Variants in ANKH observed in about 807,000 individuals in gnomAD.
ANKH encodes the protein mineralization regulator ANKH.
Under a neutral mutation model 49.0 loss-of-function variants are expected in ANKH, and 15 were observed. That is an observed-to-expected ratio of 0.31 (90% confidence interval 0.20 to 0.47). The LOEUF is 0.47. ANKH is among the 20% of genes least tolerant of loss of function. The pLI is 1.00. For synonymous variants in ANKH, 273 were observed against 260.0 expected (o/e 1.05, Z -0.48); for missense variants, 429 against 652.0 (o/e 0.66, Z 3.72).
chr5:14,736,560 C>T (rs1738189901), intron 8 of ANKH, among the ~76,000 whole-genome samples: 1 of 152,134 alleles, frequency 6.6e-6, no homozygotes, highest in Non-Finnish European at 1.5e-5. Flanking sequence ...CTGTCTGTAA[C>T]CCCACCTCTG....
In ANKH at chr5:14,758,544, G is replaced by A. The variant is rs1397037846; in HGVS notation, c.368C>T (p.Ser123Leu). 10 of 1,614,132 alleles carry A rather than the reference G, an allele frequency of 6.2e-6. No individual in the cohort carries two copies. The highest frequency in any genetic ancestry group is 3.3e-5 in the Admixed American group (2 of 60,016). ...GGCCCTTCTCGTCTTGCTCCCCACC[G>A]ACTCGTCCACATGGTGCAGTTTATT... ...IINKLHHVDE[S>L]VGSKTRRAFL... The change falls in exon 3 of 12, where the codon TCG becomes TTG. Residue 123 changes from serine (S) to leucine (L), a missense_variant. Physicochemically the swap from Ser to Leu is moderately radical, Grantham distance 145. Transcript: ENST00000284268.
chr5:14,746,122 G>C (rs780836071), intron 6 of ANKH, among the ~76,000 whole-genome samples, 160 bp from the exon 7 acceptor site: 1 of 152,064 alleles, frequency 6.6e-6, no homozygotes, highest in African/African-American at 2.4e-5. Context: ...GGCCCAGGAC[G>C]GGGGGAACTG....
rs1010136007 is a variant in ANKH, at chr5:14,776,319, G to T, written c.97-7128C>A. Among the ~76,000 whole-genome samples, 3 of 152,212 alleles carry T rather than the reference G, an allele frequency of 2.0e-5. No individual in the cohort carries two copies. The East Asian group carries it at 5.8e-4, about 29-fold the overall frequency. On this transcript the variant is annotated intron_variant, in intron 1 of 11. Transcript: ENST00000284268. The stretch of plus-strand genomic sequence containing the variant: ...GCCCATTAGGATTCCAAATAGAGAA[G>T]TTGTATGAGAGAGTCAGCTCTGTGA...
chr5:14,741,981 G>A lies in ANKH; in HGVS notation c.916-59C>T, dbSNP rs374901712. On this transcript the variant is annotated intron_variant, in intron 7 of 11. Transcript: ENST00000284268. ...CGGCTTATCCTTGGCTGAACCCACC[G>A]GGGGATCTTGAAGAGCATCTTGCTT... 2.2e-5 allele frequency: 29 copies of A among 1,305,086 alleles called. No individual in the cohort carries two copies. In the East Asian group the frequency reaches 2.8e-4, roughly 12 times the overall value. 80.8% of individuals were successfully genotyped at this position (1,305,086 alleles called of 1,614,324 possible).
chr5:14,870,964 C>T, intron 1 of ANKH: 2 of 364,414 alleles, frequency 5.5e-6, no homozygotes, highest in South Asian at 4.2e-5. Flanking sequence ...AACAGAATCT[C>T]CCCACCGTCA....
At chr5:14,736,371 C>T (rs902417501) in intron 8 of ANKH, among the ~76,000 whole-genome samples, 2 of 152,168 alleles carry the variant, frequency 1.3e-5, no homozygotes, top group Non-Finnish European at 2.9e-5. Flanking sequence ...CAGGTCAGCT[C>T]GCCAAAAATC....
rs1176791181 is a variant in ANKH, at chr5:14,709,585, GGCCT to G, written c.*1608_*1611del. On this transcript the variant is annotated 3_prime_UTR_variant, in exon 12 of 12. Coordinates refer to ENST00000284268, the MANE Select transcript of ANKH (RefSeq NM_054027.6). ...AGCACTGAAAACGGTAGACACAAAG[GGCCT>G]GCCTTTTTCTTTCTCATTTTTGCCT... is the stretch of plus-strand genomic sequence containing the variant. 1 of 152,070 alleles carries G rather than the reference GGCCT, an allele frequency of 6.6e-6. No individual in the cohort carries two copies. Among genetic ancestry groups the G allele is most frequent in the East Asian group, 1.9e-4 (1 of 5,200 alleles). The allele number at this position is 152,070 out of a possible 1,614,324, so 9.4% of individuals were successfully genotyped here.
intron 8 of ANKH, among the ~76,000 whole-genome samples, chr5:14,738,052 C>T (rs900805655): frequency 6.6e-6 from 1 of 152,220 alleles, no homozygotes; most frequent in Admixed American, 6.5e-5. Flanking sequence ...AGCCCCTCTT[C>T]CACACTGGGC....
chr5:14,777,437 A>C (rs373668709), intron 1 of ANKH, among the ~76,000 whole-genome samples: 1 of 152,208 alleles, frequency 6.6e-6, no homozygotes. Flanking sequence ...TAACAAAACC[A>C]CAGGATATTA....
intron 1 of ANKH, among the ~76,000 whole-genome samples, chr5:14,833,615 C>T (rs1741569623): frequency 6.6e-6 from 1 of 152,180 alleles, no homozygotes; most frequent in Non-Finnish European, 1.5e-5. Flanking sequence ...GGCTGCTGCA[C>T]CACCTCAAAG....
chr5:14,774,705 A>T (rs1469219216), intron 1 of ANKH, among the ~76,000 whole-genome samples: 2 of 152,162 alleles, frequency 1.3e-5, no homozygotes, highest in Non-Finnish European at 2.9e-5. Context: ...TTCCTAACAT[A>T]GTATCACATC....
At chr5:14,776,670 G>A (rs1739633309) in intron 1 of ANKH, among the ~76,000 whole-genome samples, 1 of 152,196 alleles carries the variant, frequency 6.6e-6, no homozygotes, top group African/African-American at 2.4e-5. Flanking sequence ...CTGGTAAAGA[G>A]GAATAGCTAT....
At position 14,711,323 on chromosome 5, in the gene ANKH, A is replaced by C. The variant is rs375863759; in HGVS notation, c.1366-13T>G. On this transcript the variant is annotated splice_polypyrimidine_tract_variant and intron_variant, in intron 11 of 11. Transcript: ENST00000284268. ...CCATCTTCTTTTTCTAGACCAAAGA[A>C]GACTCATCAGTGTGGGGCTGTGGAT... The C allele has an allele frequency of 6.0e-5, 96 of 1,610,332 alleles. No homozygotes were observed. The highest frequency in any genetic ancestry group is 1.7e-4 in the Middle Eastern group (1 of 6,038).
intron 1 of ANKH, among the ~76,000 whole-genome samples, chr5:14,865,525 A>G (rs1410193989): frequency 6.6e-6 from 1 of 152,110 alleles, no homozygotes; most frequent in East Asian, 1.9e-4. Context: ...TGAGATTTCC[A>G]TTTCTTTCTT....
In ANKH at chr5:14,711,175, A is replaced by C. The variant is rs1028428100; in HGVS notation, c.*22T>G. ...TGTCATCCTGACTGACTGTCCCTGC[A>C]GTGCCCATGGCGTCCCGTGCCTTAT... On this transcript the variant is annotated 3_prime_UTR_variant, in exon 12 of 12. Transcript: ENST00000284268. The C allele has an allele frequency of 6.4e-7, 1 of 1,573,058 alleles. No individual in the cohort carries two copies. Among genetic ancestry groups the C allele is most frequent in the Admixed American group, 1.7e-5 (1 of 59,988 alleles).
chr5:14,797,864 T>C, intron 1 of ANKH: 1 of 1,611,862 alleles, frequency 6.2e-7, no homozygotes, highest in South Asian at 1.1e-5. Flanking sequence ...GCCCATAGCC[T>C]TCCTTCTGAT....
chr5:14,773,838 CGAAT>C (rs1338057130), intron 1 of ANKH, among the ~76,000 whole-genome samples: 1 of 152,128 alleles, frequency 6.6e-6, no homozygotes, highest in Non-Finnish European at 1.5e-5. Context: ...GTTGAATGAA[CGAAT>C]GAATTGGCTA....
At chr5:14,762,524 T>A (rs1002593590) in intron 2 of ANKH, among the ~76,000 whole-genome samples, 2 of 152,212 alleles carry the variant, frequency 1.3e-5, no homozygotes, top group Admixed American at 1.3e-4. Context: ...CCGGGAGATA[T>A]TTGGAGGCCA....
intron 8 of ANKH, among the ~76,000 whole-genome samples, chr5:14,730,112 A>C (rs1388002075): frequency 2.0e-5 from 3 of 152,134 alleles, no homozygotes; most frequent in East Asian, 3.9e-4. Flanking sequence ...GGACCTGACC[A>C]TGCTGGGTTC....
Sources: allele counts gnomAD v4.1 joint callset (sites outside exome capture counted in the v4.1 genomes callset), GRCh38; gene constraint gnomAD v4.1.1; transcripts MANE v1.5; gene names NCBI Gene and HGNC (gene_info 2026-07-23, HGNC 2026-07-21).